Variants in RIIAD1 observed in about 807,000 individuals in gnomAD.
RIIAD1 encodes RIIa domain-containing protein 1.
A neutral mutation model predicts 13.3 loss-of-function variants in RIIAD1; 15 were observed. That is an observed-to-expected ratio of 1.13 (90% confidence interval 0.76 to 1.74). The LOEUF is 1.74. Ranked by LOEUF, RIIAD1 falls within the 40% of genes most tolerant of loss-of-function variation. RIIAD1 has a pLI of 0.00. For synonymous variants in RIIAD1, 50 were observed against 43.3 expected, an observed-to-expected ratio of 1.16 and a Z score of -0.61; for missense variants, 121 against 112.2, an observed-to-expected ratio of 1.08 and a Z score of -0.35.
At chr1:151,721,939 A>T in intron 1 of RIIAD1, 147 bp from the exon 2 acceptor site, 1 of 637,846 alleles carries the variant, frequency 1.6e-6, no homozygotes, top group Non-Finnish European at 2.8e-6. Context: ...TTTTATCTGT[A>T]AGAAGATGGG....
chr1:151,721,519 C>T, upstream of RIIAD1: 1 of 1,305,502 alleles, frequency 7.7e-7, no homozygotes, highest in Non-Finnish European at 9.7e-7. Context: ...GGCCGGTCGC[C>T]TTGACGACCG....
upstream of RIIAD1, among the ~76,000 whole-genome samples, chr1:151,718,671 C>T (rs1446610474): frequency 6.6e-6 from 1 of 152,150 alleles, no homozygotes; most frequent in Non-Finnish European, 1.5e-5. Flanking sequence ...ACATGGATGC[C>T]CGGGTCCCCC....
intron 4 of RIIAD1, chr1:151,716,202 T>C: frequency 1.7e-6 from 1 of 604,242 alleles, no homozygotes. Context: ...GCCCAGGGAG[T>C]TGAGTGCTAG....
At chr1:151,727,528 C>T (rs570456349) in intron 2 of RIIAD1, 47 bp from the exon 3 acceptor site, 236 of 1,279,662 alleles carry the variant, frequency 1.8e-4, no homozygotes, top group Middle Eastern at 1.5e-3. Context: ...CCACAGCCTG[C>T]GTTAAAGTCT....
At chr1:151,729,081 T>G (rs1647260444) in intron 4 of RIIAD1, among the ~76,000 whole-genome samples, 188 bp downstream of exon 4, 1 of 152,188 alleles carries the variant, frequency 6.6e-6, no homozygotes, top group Non-Finnish European at 1.5e-5. Context: ...GGTTGATCTG[T>G]CATGTCAGTA....
chr1:151,721,751 G>T (rs969319872), intron 1 of RIIAD1, 131 bp downstream of exon 1: 2 of 547,600 alleles, frequency 3.7e-6, no homozygotes, highest in Admixed American at 3.8e-5. Context: ...TGGGGAGGGC[G>T]CAGGGGAGAC....
upstream of RIIAD1, chr1:151,719,578 T>C (rs1161580734): frequency 1.4e-6 from 1 of 701,676 alleles, no homozygotes; most frequent in Admixed American, 2.0e-5. Flanking sequence ...ACTTACTGGC[T>C]TCCCTGATTG....
intron 2 of RIIAD1, among the ~76,000 whole-genome samples, chr1:151,723,232 TAA>T (rs1673771668): frequency 1.3e-5 from 2 of 151,906 alleles, no homozygotes; most frequent in South Asian, 4.2e-4. Flanking sequence ...CCGTCTCTAC[TAA>T]AAATACAAAA....
At chr1:151,715,889 G>A (rs751985480) in intron 4 of RIIAD1, 16 of 1,611,478 alleles carry the variant, frequency 9.9e-6, no homozygotes, top group Non-Finnish European at 1.3e-5. Flanking sequence ...TGTGCAGCCC[G>A]GTGTACTTGT....
intron 2 of RIIAD1, among the ~76,000 whole-genome samples, chr1:151,712,918 C>T (rs1050712756): frequency 6.6e-6 from 1 of 151,388 alleles, no homozygotes; most frequent in African/African-American, 2.5e-5. Context: ...CACACACACT[C>T]ATGCATGCAC....
At chr1:151,712,567 C>T (rs1673114482) in intron 2 of RIIAD1, among the ~76,000 whole-genome samples, 1 of 152,176 alleles carries the variant, frequency 6.6e-6, no homozygotes, top group African/African-American at 2.4e-5. Context: ...GAGGGCAACC[C>T]CCACTCCACC....
At chr1:151,727,878 C>T (rs551311821) in intron 3 of RIIAD1, among the ~76,000 whole-genome samples, 6 of 152,296 alleles carry the variant, frequency 3.9e-5, no homozygotes, top group Non-Finnish European at 5.9e-5. Context: ...AGGAACATAG[C>T]GGCAGTTTTT....
chr1:151,711,713 C>A (rs960025222), intron 1 of RIIAD1: 1 of 152,404 alleles, frequency 6.6e-6, no homozygotes, highest in African/African-American at 2.4e-5. Context: ...CTCACAGGCA[C>A]CTCCGCAGCC....
intron 2 of RIIAD1, among the ~76,000 whole-genome samples, chr1:151,726,668 GT>G (rs1673834185): frequency 6.6e-6 from 1 of 152,166 alleles, no homozygotes; most frequent in Non-Finnish European, 1.5e-5. Context: ...AATAATGGTT[GT>G]TTCACAGGGT....
At chr1:151,716,640 C>T (rs1446887188), upstream of RIIAD1, 7 of 375,680 alleles carry the variant, frequency 1.9e-5, no homozygotes, top group Non-Finnish European at 3.8e-5. Context: ...CCCTTTTGCC[C>T]TGCCGCCCCC....
chr1:151,715,692 T>C (rs957470771), intron 4 of RIIAD1: 36 of 1,535,708 alleles, frequency 2.3e-5, no homozygotes, highest in Admixed American at 1.9e-5. Flanking sequence ...CCTTAGTCCT[T>C]CACCGGGGTT....
upstream of RIIAD1, chr1:151,721,512 C>A (rs939232503): frequency 2.2e-5 from 29 of 1,293,154 alleles, no homozygotes; most frequent in African/African-American, 4.0e-4. Flanking sequence ...GGCTCGCGGC[C>A]GGTCGCCTTG....
chr1:151,711,580 C>T (rs776183816), intron 1 of RIIAD1, among the ~76,000 whole-genome samples: 8 of 152,250 alleles, frequency 5.3e-5, no homozygotes, highest in African/African-American at 1.7e-4. Context: ...GCTCAATCTC[C>T]TTAGGCATGT....
chr1:151,716,771 T>TG (rs1224289903), upstream of RIIAD1: 1 of 463,752 alleles, frequency 2.2e-6, no homozygotes, highest in Non-Finnish European at 4.4e-6. Flanking sequence ...CCCGGAGCTC[T>TG]GCTCTCCGGC....
Sources: gnomAD v4.1 joint callset for allele counts (sites outside exome capture counted in the v4.1 genomes callset) on GRCh38, gnomAD v4.1.1 for gene constraint, MANE v1.5 for transcripts, NCBI Gene and HGNC (gene_info 2026-07-23, HGNC 2026-07-21) for gene names.